Variants in TBC1D22A observed in about 807,000 individuals in gnomAD.
TBC1D22A encodes the protein TBC1 domain family member 22A.
A neutral mutation model predicts 60.2 loss-of-function variants in TBC1D22A; 38 were observed. The ratio of observed to expected loss-of-function variants is 0.63; its 90% CI spans 0.49 to 0.83. The LOEUF is 0.83. Ranked by LOEUF, TBC1D22A falls within the 40% of genes least tolerant of loss-of-function variation. The pLI is 0.00. For synonymous variants in TBC1D22A, 302 were observed against 281.7 expected, an observed-to-expected ratio of 1.07 and a Z score of -0.72; for missense variants, 628 against 701.0, an observed-to-expected ratio of 0.90 and a Z score of 1.18.
chr22:47,027,003 T>A (rs2062278893), intron 10 of TBC1D22A, among the ~76,000 whole-genome samples: 1 of 152,222 alleles, frequency 6.6e-6, no homozygotes, highest in South Asian at 2.1e-4. Flanking sequence ...TCACATTAGC[T>A]GATTTCAAGA....
Position 46,894,831 on chromosome 22 carries a change from G to A in TBC1D22A, c.885G>A (p.Gln295=), listed in dbSNP as rs1201686646. Residue 295 remains glutamine, a synonymous_variant, in exon 7 of 13, where the codon CAG becomes CAA. Coordinates refer to ENST00000337137, the MANE Select transcript of TBC1D22A (RefSeq NM_014346.5). ...TGAGCCCTGAAGCGTTGATCCTGCAGCCCAAGGTGACGGAGGTAAGAAGCT... is the reference window on the plus strand; with the variant it reads ...TGAGCCCTGAAGCGTTGATCCTGCAACCCAAGGTGACGGAGGTAAGAAGCT... ...PRMSPEALIL[Q]PKVTEIFERI... is the part of the protein sequence containing the mutation. The A allele has an allele frequency of 5.6e-6, 9 of 1,614,112 alleles. No individual in the cohort carries two copies. In the Admixed American group the frequency reaches 8.3e-5, roughly 15 times the overall value.
At chr22:47,164,802 T>C (rs1448716318) in intron 12 of TBC1D22A, among the ~76,000 whole-genome samples, 1 of 152,234 alleles carries the variant, frequency 6.6e-6, no homozygotes, top group Non-Finnish European at 1.5e-5. Flanking sequence ...GTCCCATTCC[T>C]TCCTCTGCAC....
intron 12 of TBC1D22A, among the ~76,000 whole-genome samples, chr22:47,162,208 T>C (rs1246449384): frequency 1.3e-5 from 2 of 152,154 alleles, no homozygotes; most frequent in Non-Finnish European, 2.9e-5. Context: ...AAAGGTTTTT[T>C]TTTTTTTTTA....
chr22:46,887,478 G>A (rs2068177476), intron 5 of TBC1D22A, among the ~76,000 whole-genome samples: 1 of 152,224 alleles, frequency 6.6e-6, no homozygotes, highest in Admixed American at 6.5e-5. Flanking sequence ...CTCATGTACT[G>A]TAAAAGGGAG....
intron 12 of TBC1D22A, among the ~76,000 whole-genome samples, chr22:47,147,236 C>CG (rs1469787740): frequency 2.0e-5 from 3 of 152,240 alleles, no homozygotes; most frequent in African/African-American, 7.2e-5. Context: ...TAAACCAACT[C>CG]GGAGTCGGTC....
At chr22:47,039,935 C>G (rs796577304) in intron 11 of TBC1D22A, among the ~76,000 whole-genome samples, 1 of 77,284 alleles carries the variant, frequency 1.3e-5, no homozygotes, top group African/African-American at 6.3e-5. Flanking sequence ...GTGCCACAGC[C>G]TTTTTTTTTT....
At chr22:47,159,626 C>A (rs111066982) in intron 12 of TBC1D22A, among the ~76,000 whole-genome samples, 1 of 151,968 alleles carries the variant, frequency 6.6e-6, no homozygotes, top group Non-Finnish European at 1.5e-5. Context: ...TATACACACA[C>A]ACCACACATG....
At chr22:47,005,922 G>GCA (rs368755011) in intron 10 of TBC1D22A, among the ~76,000 whole-genome samples, 86 of 143,732 alleles carry the variant, frequency 6.0e-4, no homozygotes, top group Non-Finnish European at 1.1e-3. Flanking sequence ...ACACCCATAT[G>GCA]CACACACACA....
chr22:47,029,663 CA>C (rs2062396303), intron 10 of TBC1D22A, among the ~76,000 whole-genome samples: 1 of 152,252 alleles, frequency 6.6e-6, no homozygotes, highest in African/African-American at 2.4e-5. Context: ...GCGGGGATGG[CA>C]GGAGCCCTGC....
chr22:46,935,060 A>T (rs1185837719), intron 8 of TBC1D22A, among the ~76,000 whole-genome samples: 1 of 152,070 alleles, frequency 6.6e-6, no homozygotes, highest in Non-Finnish European at 1.5e-5. Flanking sequence ...TGAGTGTCTC[A>T]TCATGCAGGT....
At chr22:47,164,610 G>T (rs1264500499) in intron 12 of TBC1D22A, among the ~76,000 whole-genome samples, 9 of 152,230 alleles carry the variant, frequency 5.9e-5, no homozygotes. Context: ...CTGAATGTCA[G>T]TGTCGAGTCA....
chr22:46,874,625 A>G (rs370077830), intron 4 of TBC1D22A, among the ~76,000 whole-genome samples: 17 of 125,536 alleles, frequency 1.4e-4, no homozygotes, highest in East Asian at 9.5e-4. Context: ...CCAGGCTGGA[A>G]TGCAGTGGTG....
intron 11 of TBC1D22A, among the ~76,000 whole-genome samples, chr22:47,041,885 G>A (rs2062856469): frequency 6.6e-6 from 1 of 152,236 alleles, no homozygotes. Flanking sequence ...GTCCCTGTGA[G>A]ACTTGCCTAC....
At chr22:46,850,379 G>A (rs769791332) in intron 4 of TBC1D22A, among the ~76,000 whole-genome samples, 15 of 152,188 alleles carry the variant, frequency 9.9e-5, no homozygotes, top group Non-Finnish European at 1.8e-4. Flanking sequence ...ACTTGCAAAT[G>A]TGGTATGCAG....
chr22:47,103,505 C>T (rs373739024), intron 11 of TBC1D22A, among the ~76,000 whole-genome samples: 10 of 152,094 alleles, frequency 6.6e-5, no homozygotes, highest in African/African-American at 2.2e-4. Context: ...ACCGGATGTC[C>T]GGTCTGCTCT....
At chr22:47,062,434 A>G (rs2063613042) in intron 11 of TBC1D22A, among the ~76,000 whole-genome samples, 1 of 152,162 alleles carries the variant, frequency 6.6e-6, no homozygotes, top group African/African-American at 2.4e-5. Flanking sequence ...TGTCTGGACA[A>G]AGCCTTTGGT....
At chr22:47,080,600 G>A (rs2064422094) in intron 11 of TBC1D22A, among the ~76,000 whole-genome samples, 1 of 140,468 alleles carries the variant, frequency 7.1e-6, no homozygotes, top group Admixed American at 7.6e-5. Context: ...GCAGTGCTTG[G>A]GGAGCTAACC....
intron 12 of TBC1D22A, among the ~76,000 whole-genome samples, chr22:47,170,545 A>G (rs572934123): frequency 6.6e-6 from 1 of 152,326 alleles, no homozygotes; most frequent in South Asian, 2.1e-4. Context: ...GCGAAAGGAA[A>G]TGGAATTGAG....
chr22:46,956,309 G>A (rs1387853726), intron 8 of TBC1D22A, among the ~76,000 whole-genome samples: 1 of 152,184 alleles, frequency 6.6e-6, no homozygotes, highest in Admixed American at 6.5e-5. Flanking sequence ...TGTGGGGCCA[G>A]GCACAGTGGC....
Sources: gnomAD v4.1 joint callset for allele counts (sites outside exome capture counted in the v4.1 genomes callset) on GRCh38, gnomAD v4.1.1 for gene constraint, MANE v1.5 for transcripts, NCBI Gene and HGNC (gene_info 2026-07-23, HGNC 2026-07-21) for gene names.